The following NTN1 variants were observed in gnomAD, a reference collection of about 807,000 sequenced individuals.
NTN1 encodes netrin 1.
Under a neutral mutation model 54.2 loss-of-function variants are expected in NTN1, and 11 were observed. The observed-to-expected ratio is 0.20, with a 90% CI of 0.13 to 0.34. The LOEUF is 0.34. Among genes scored for constraint, NTN1 ranks in the 10% least tolerant of loss-of-function variants. NTN1 has a pLI of 1.00. For synonymous variants in NTN1, 371 were observed against 382.0 expected (o/e 0.97, Z 0.33); for missense variants, 740 against 893.1 (o/e 0.83, Z 2.18).
At chr17:9,031,510 A>T (rs2151509835) in intron 2 of NTN1, among the ~76,000 whole-genome samples, 1 of 152,320 alleles carries the variant, frequency 6.6e-6, no homozygotes, top group Non-Finnish European at 1.5e-5. Context: ...AGCCCATGAG[A>T]TGAAAACTAT....
rs905359233 is a variant in NTN1 at position 9,212,244 on chromosome 17, C to T, written c.1412-8924C>T. ...TTGGTGAGGGTGGTAAGAAGGTGGT[C>T]TTACCTGGGGCAGGGTGGGGCAAGT... On this transcript the variant is annotated intron_variant, in intron 5 of 6. Transcript: ENST00000173229. The surrounding 1 kb of genome is among the most constrained non-coding windows in gnomAD (Gnocchi z 5.5). Among the ~76,000 whole-genome samples the T allele has an allele frequency of 6.6e-6, 1 of 152,124 alleles. No individual in the cohort carries two copies. The highest frequency in any genetic ancestry group is 2.4e-5 in the African/African-American group (1 of 41,428).
intron 2 of NTN1, among the ~76,000 whole-genome samples, chr17:9,102,164 T>C (rs887915059): frequency 1.4e-4 from 21 of 152,126 alleles, no homozygotes; most frequent in Non-Finnish European, 4.4e-5. Context: ...TATAAACATA[T>C]CAAATAACAG....
intron 5 of NTN1, among the ~76,000 whole-genome samples, chr17:9,188,992 A>C (rs935106752): frequency 1.3e-5 from 2 of 152,310 alleles, no homozygotes; most frequent in South Asian, 4.1e-4. Flanking sequence ...TGACCAGTGA[A>C]GTCATTAACA....
At chr17:9,114,714 G>T (rs148325330) in intron 2 of NTN1, among the ~76,000 whole-genome samples, 5 of 152,068 alleles carry the variant, frequency 3.3e-5, no homozygotes, top group Non-Finnish European at 7.4e-5. Flanking sequence ...AGATTGTGCC[G>T]CTGCACTCCA....
intron 2 of NTN1, among the ~76,000 whole-genome samples, chr17:9,130,268 T>C (rs760392794): frequency 1.3e-5 from 2 of 152,112 alleles, no homozygotes; most frequent in Non-Finnish European, 2.9e-5. Flanking sequence ...CCATGGGTCC[T>C]CAGGCCAGCT....
intron 2 of NTN1, among the ~76,000 whole-genome samples, chr17:9,069,453 T>G (rs1442340477): frequency 6.6e-6 from 1 of 152,234 alleles, no homozygotes; most frequent in Non-Finnish European, 1.5e-5. Flanking sequence ...TGAGGAAACC[T>G]TAGCAGAACC....
At chr17:9,207,628 T>C (rs1351427681) in intron 5 of NTN1, among the ~76,000 whole-genome samples, 1 of 152,164 alleles carries the variant, frequency 6.6e-6, no homozygotes, top group African/African-American at 2.4e-5. Flanking sequence ...TCCTGCTAGA[T>C]CCTTTCCACT....
At chr17:9,051,677 A>AT (rs202193557) in intron 2 of NTN1, among the ~76,000 whole-genome samples, 1,532 of 151,444 alleles carry the variant, frequency 0.01, 26 homozygotes, top group African/African-American at 0.033. Flanking sequence ...TCACGTAATT[A>AT]TTTTTTTTTG....
At chr17:9,182,506 T>C (rs531859715) in intron 4 of NTN1, among the ~76,000 whole-genome samples, 7 of 152,324 alleles carry the variant, frequency 4.6e-5, no homozygotes, top group African/African-American at 1.7e-4. Context: ...CTGCCATGGA[T>C]CCTTCTCCAC....
Position 9,239,544 on chromosome 17 carries a change from G to A in NTN1, c.1487-96G>A, listed in dbSNP as rs1906111721. The stretch of plus-strand genomic sequence containing the variant: ...GGGCCACTCTGTGCAGTCACTTCCT[G>A]GGGCTGGGTCTCCTTTCCCTTCTCC... On this transcript the variant is annotated intron_variant, in intron 6 of 6. Transcript: ENST00000173229. This position sits in a 1 kb window ranked among gnomAD's most constrained non-coding sequence, Gnocchi z 5.2. The A allele has an allele frequency of 3.2e-6, 4 of 1,263,456 alleles. No homozygotes were observed. The South Asian group carries it at 5.5e-5, about 17-fold the overall frequency. The allele number at this position is 1,263,456 out of a possible 1,614,324, so 78.3% of individuals were successfully genotyped here. A position where few individuals can be genotyped will look rare whatever the true frequency, so the allele number is the denominator to read the frequency against.
chr17:9,036,892 T>C (rs1160424991), intron 2 of NTN1, among the ~76,000 whole-genome samples: 2 of 152,172 alleles, frequency 1.3e-5, no homozygotes, highest in African/African-American at 2.4e-5. Context: ...AGGACCTCAC[T>C]TGGGCCTACC....
intron 2 of NTN1, among the ~76,000 whole-genome samples, chr17:9,116,820 C>T (rs1442614797): frequency 2.0e-5 from 3 of 150,858 alleles, no homozygotes; most frequent in African/African-American, 7.4e-5. Flanking sequence ...AGAAGGTAGA[C>T]AGGAAGGAGA....
chr17:9,065,711 T>G (rs1024602714), intron 2 of NTN1, among the ~76,000 whole-genome samples: 1 of 152,208 alleles, frequency 6.6e-6, no homozygotes. Context: ...AAGGCATGAA[T>G]GACCCCAAGC....
intron 3 of NTN1, among the ~76,000 whole-genome samples, chr17:9,168,481 G>A (rs530224017): frequency 5.3e-5 from 8 of 151,980 alleles, no homozygotes; most frequent in African/African-American, 4.8e-5. Context: ...GCAGTGAGCC[G>A]AGATTGCGCC....
At chr17:9,013,604 C>G in the NTN1 span, among the ~76,000 whole-genome samples, 4 of 152,204 alleles carry the variant, frequency 2.6e-5, no homozygotes, top group Admixed American at 6.5e-5. Flanking sequence ...ACCTGCTAAC[C>G]TGTTCCCTGG....
chr17:9,189,078 G>A (rs1330919594), intron 5 of NTN1, among the ~76,000 whole-genome samples: 2 of 152,180 alleles, frequency 1.3e-5, no homozygotes, highest in Non-Finnish European at 2.9e-5. Flanking sequence ...TCTGGCTCAG[G>A]GAAGGAGGAG....
At chr17:9,121,299 C>T (rs2092230966) in intron 2 of NTN1, among the ~76,000 whole-genome samples, 1 of 152,156 alleles carries the variant, frequency 6.6e-6, no homozygotes, top group African/African-American at 2.4e-5. Flanking sequence ...CATGAACCAG[C>T]ACGTCCCCGG....
At chr17:9,134,612 G>T (rs2092275520) in intron 2 of NTN1, among the ~76,000 whole-genome samples, 1 of 152,218 alleles carries the variant, frequency 6.6e-6, no homozygotes, top group Non-Finnish European at 1.5e-5. Context: ...TGCAGCCGGG[G>T]CAGAGAACCA....
intron 5 of NTN1, among the ~76,000 whole-genome samples, chr17:9,192,906 C>T (rs566604379): frequency 8.0e-4 from 122 of 152,136 alleles, no homozygotes; most frequent in Non-Finnish European, 1.6e-3. Context: ...CATGGTGAAA[C>T]CCCGTCTCTA....
Sources: gnomAD v4.1 joint callset for allele counts (sites outside exome capture counted in the v4.1 genomes callset) on GRCh38, gnomAD v4.1.1 for gene constraint, Gnocchi (gnomAD v3.1) non-coding constraint, MANE v1.5 for transcripts, NCBI Gene and HGNC (gene_info 2026-07-23, HGNC 2026-07-21) for gene names.